MIA2: variants seen among roughly 807,000 people sequenced by gnomAD.
MIA2 encodes the protein MIA SH3 domain ER export factor 2.
Under a neutral mutation model 167.8 loss-of-function variants are expected in MIA2, and 127 were observed. The ratio of observed to expected loss-of-function variants is 0.76; its 90% CI spans 0.66 to 0.88. The LOEUF (loss-of-function observed/expected upper bound fraction) is 0.88. MIA2 is among the 40% of genes least tolerant of loss of function. MIA2 has a pLI of 0.00. For missense variants in MIA2, 1,690 were observed against 1,624.7 expected (o/e 1.04, Z -0.69); for synonymous variants, 552 against 541.9 (o/e 1.02, Z -0.26).
In MIA2 at chr14:39,359,324, G is replaced by T. The variant is rs539522623; in HGVS notation, c.2248+10347G>T. ...GACTGCTGTGCTAGCAATGAGTGAG[G>T]CTCCGTGGGCGTAGGACCCTTTGAG... On this transcript the variant is annotated intron_variant, in intron 23 of 23. Transcript: ENST00000341502. 4.7e-4 allele frequency among the ~76,000 whole-genome samples: 71 copies of T among 152,326 alleles called. No individual in the cohort carries two copies. In the Middle Eastern group the frequency reaches 0.017, roughly 36 times the overall value.
intron 2 of MIA2, among the ~76,000 whole-genome samples, chr14:39,238,639 A>G (rs937379082): frequency 6.6e-6 from 1 of 151,782 alleles, no homozygotes; most frequent in Non-Finnish European, 1.5e-5. Context: ...TACTAAAAAT[A>G]TAAAAATTAG....
At chr14:39,386,678 A>G (rs1294533711) in intron 23 of MIA2, 3 of 1,126,786 alleles carry the variant, frequency 2.7e-6, no homozygotes, top group Non-Finnish European at 4.0e-6. Flanking sequence ...AGACCTTCTC[A>G]TTATTGTTAT....
Position 39,313,338 on chromosome 14 carries a change from A to G in MIA2, c.3018-2A>G. 1 of 1,510,018 alleles carries G rather than the reference A, an allele frequency of 6.6e-7. No individual in the cohort carries two copies. The highest frequency in any genetic ancestry group is 9.1e-7 in the Non-Finnish European group (1 of 1,102,958). 93.5% of individuals were successfully genotyped at this position (1,510,018 alleles called of 1,614,324 possible). A position where few individuals can be genotyped will look rare whatever the true frequency, so the allele number is the denominator to read the frequency against. On this transcript the variant is annotated splice_acceptor_variant, in intron 18 of 28. Coordinates refer to ENST00000640607, the MANE Select transcript of MIA2 (RefSeq NM_001329214.4). LOFTEE classifies it high-confidence loss of function. ...AGAATTATAACATTTTTTGTTTTTA[A>G]GGAAATTAACAGTAGAGGAAAATTA...
At chr14:39,286,983 C>T (rs1170635234) in intron 9 of MIA2, among the ~76,000 whole-genome samples, 1 of 152,144 alleles carries the variant, frequency 6.6e-6, no homozygotes, top group Non-Finnish European at 1.5e-5. Context: ...ACCTTGGCCT[C>T]CCAAAGTGCT....
In MIA2 at chr14:39,320,954, T is replaced by C. The variant is rs1208330013; in HGVS notation, c.3394T>C (p.Leu1132=). ...GCATTCCCCATATGGTCCCTCACCATTGGGTTGGCCTTCATCTGAAACAAG... is the reference window on the plus strand; with the variant it reads ...GCATTCCCCATATGGTCCCTCACCACTGGGTTGGCCTTCATCTGAAACAAG... ...REHSPYGPSP[L]GWPSSETRAF... is the part of the protein sequence containing the mutation. The change falls in exon 24 of 29, where the codon TTG becomes CTG. Residue 1132 remains leucine (L), a synonymous_variant. Coordinates refer to ENST00000640607, the MANE Select transcript of MIA2 (RefSeq NM_001329214.4). 5 of 1,613,524 alleles carry C rather than the reference T, an allele frequency of 3.1e-6. No individual in the cohort carries two copies. Among genetic ancestry groups the C allele is most frequent in the African/African-American group, 2.7e-5 (2 of 74,916 alleles).
At chr14:39,254,709 T>G (rs1392365334) in intron 6 of MIA2, among the ~76,000 whole-genome samples, 11 of 152,122 alleles carry the variant, frequency 7.2e-5, no homozygotes, top group Admixed American at 6.5e-4. Flanking sequence ...TTTTTGTGTG[T>G]GAAATCTCAC....
rs1307462100 is a variant in MIA2 at position 39,276,822 on chromosome 14, T to C, written c.1888-112T>C. 9 of 1,106,660 alleles carry C rather than the reference T, an allele frequency of 8.1e-6. No homozygotes were observed. The Admixed American group carries it at 2.0e-4, about 25-fold the overall frequency. 68.6% of individuals were successfully genotyped at this position (1,106,660 alleles called of 1,614,324 possible). A position where few individuals can be genotyped will look rare whatever the true frequency, so the allele number is the denominator to read the frequency against. On this transcript the variant is annotated intron_variant, in intron 6 of 28. Transcript: ENST00000640607. ...ATGTACTCTGATACTTTCTGTTTGG[T>C]GTTAGTCTGGCAGCCCATTTTGTGT...
At chr14:39,351,736 G>A (rs372760048), downstream of MIA2, among the ~76,000 whole-genome samples, 23 of 152,268 alleles carry the variant, frequency 1.5e-4, no homozygotes, top group East Asian at 4.2e-3. Flanking sequence ...CTCCCAAGTA[G>A]CTGGGACTAC....
At chr14:39,280,911 G>GTTTTTTTTTTTTTTT (rs751903170) in intron 9 of MIA2, among the ~76,000 whole-genome samples, 3 of 60,200 alleles carry the variant, frequency 5.0e-5, no homozygotes, top group Non-Finnish European at 9.0e-5. Flanking sequence ...TATTAGTTTA[G>GTTTTTTTTTTTTTTT]TTTTTTTTTT....
At position 39,308,584 on chromosome 14, in the gene MIA2, A is replaced by C; in HGVS notation, c.3014A>C (p.His1005Pro). The C allele has an allele frequency of 6.5e-7, 1 of 1,548,372 alleles. No homozygotes were observed. The highest frequency in any genetic ancestry group is 1.7e-4 in the Middle Eastern group (1 of 5,898). The change falls in exon 18 of 29, where the codon CAC becomes CCC. Residue 1005 changes from histidine to proline, a missense_variant. By Grantham distance (77) the His-to-Pro change is moderately conservative. Coordinates refer to ENST00000640607, the MANE Select transcript of MIA2 (RefSeq NM_001329214.4). ...ELYQENEMKL[H>P]RKLTVEENYR... ...TATCAAGAAAATGAAATGAAACTCCACAGGTAATAAAAATTATGTTAACTC... is the reference window on the plus strand; with the variant it reads ...TATCAAGAAAATGAAATGAAACTCCCCAGGTAATAAAAATTATGTTAACTC...
rs1429172343 is a variant in MIA2, at chr14:39,302,190, C to T, written c.2681C>T (p.Thr894Met). The change falls in exon 15 of 29, where the codon ACG becomes ATG. Residue 894 changes from threonine to methionine, a missense_variant. Thr to Met is a moderately conservative substitution (Grantham distance 81). Transcript: ENST00000640607. ...DWAAMLGEDI[T>M]DDDNLELEMN... ...GCTGCTATGCTTGGAGAAGACATAA[C>T]GGATGATGATAACTTGGAATTAGAA... 1.1e-5 allele frequency: 17 copies of T among 1,613,694 alleles called. 1 individual carries two copies. Among genetic ancestry groups the T allele is most frequent in the Admixed American group, 3.3e-5 (2 of 59,990 alleles).
chr14:39,348,309 T>A (rs1392100308), intron 27 of MIA2, among the ~76,000 whole-genome samples: 1 of 152,230 alleles, frequency 6.6e-6, no homozygotes, highest in East Asian at 1.9e-4. Context: ...GGAGTTTGAG[T>A]TAGTTTAAGA....
intron 18 of MIA2, among the ~76,000 whole-genome samples, chr14:39,309,321 C>T (rs2063836410): frequency 6.6e-6 from 1 of 152,292 alleles, no homozygotes; most frequent in East Asian, 1.9e-4. Context: ...TTATATCACA[C>T]TCAACCCACA....
chr14:39,242,039 A>C (rs1257142856), intron 3 of MIA2, among the ~76,000 whole-genome samples: 1 of 152,236 alleles, frequency 6.6e-6, no homozygotes, highest in Non-Finnish European at 1.5e-5. Context: ...GCCTGAGATT[A>C]AACATCAGTG....
intron 6 of MIA2, among the ~76,000 whole-genome samples, chr14:39,253,797 C>T (rs902220002): frequency 1.3e-5 from 2 of 152,110 alleles, no homozygotes; most frequent in Admixed American, 6.5e-5. Flanking sequence ...ATTCCAAATT[C>T]TATTTTCACT....
intron 27 of MIA2, among the ~76,000 whole-genome samples, chr14:39,348,286 A>G (rs114371068): frequency 0.011 from 1,636 of 152,314 alleles, 35 homozygotes; most frequent in African/African-American, 0.036. Context: ...GATAAAATAC[A>G]ATTTGCAGAC....
chr14:39,234,925 A>G (rs2053661747), intron 1 of MIA2, among the ~76,000 whole-genome samples: 1 of 151,972 alleles, frequency 6.6e-6, no homozygotes, highest in Non-Finnish European at 1.5e-5. Flanking sequence ...ATCCCAATAT[A>G]TTAGAGTTGC....
At chr14:39,341,999 C>G (rs1190093450) in intron 25 of MIA2, among the ~76,000 whole-genome samples, 2 of 151,866 alleles carry the variant, frequency 1.3e-5, no homozygotes, top group East Asian at 1.9e-4. Context: ...ACTTGGTGAA[C>G]AACACAAATT....
Position 39,380,625 on chromosome 14 carries a change from G to A in MIA2, c.2249-6260G>A, listed in dbSNP as rs183076653. On this transcript the variant is annotated intron_variant, in intron 23 of 23. Coordinates refer to the MIA2 transcript ENST00000341502. Reference sequence around the variant, plus strand: ...GGAGAATTGCTTGAACCCGGGAGGCGGAGGTTGCAGTGAGCTGAGATCGCA... The same window carrying A: ...GGAGAATTGCTTGAACCCGGGAGGCAGAGGTTGCAGTGAGCTGAGATCGCA... Among the ~76,000 whole-genome samples the A allele has an allele frequency of 5.4e-3, 813 of 150,554 alleles. 5 individuals are homozygous for A. Among genetic ancestry groups the A allele is most frequent in the African/African-American group, 0.019 (767 of 40,858 alleles).
Sources: gnomAD v4.1 joint callset for allele counts (sites outside exome capture counted in the v4.1 genomes callset) on GRCh38, gnomAD v4.1.1 for gene constraint, MANE v1.5 for transcripts, NCBI Gene and HGNC (gene_info 2026-07-23, HGNC 2026-07-21) for gene names.